SGK3: variants seen among roughly 807,000 people sequenced by gnomAD.
SGK3 encodes serum/glucocorticoid regulated kinase family member 3, also known as serine/threonine-protein kinase Sgk3.
Under a neutral mutation model 68.5 loss-of-function variants are expected in SGK3, and 47 were observed. The ratio of observed to expected loss-of-function variants is 0.69; its 90% CI spans 0.54 to 0.87. The LOEUF is 0.87. Among genes scored for constraint, SGK3 ranks in the 40% least tolerant of loss-of-function variants. The probability of loss-of-function intolerance (pLI) is 0.00; values close to 1 mark genes in which losing one functional copy is unlikely to be tolerated. For missense variants in SGK3, 479 were observed against 575.5 expected, an observed-to-expected ratio of 0.83 and a Z score of 1.72; for synonymous variants, 181 against 189.1, an observed-to-expected ratio of 0.96 and a Z score of 0.35.
In SGK3 at chr8:66,793,702, C is replaced by T. The variant is rs369810824; in HGVS notation, c.-35C>T. On this transcript the variant is annotated 5_prime_UTR_variant, in exon 2 of 17. Coordinates refer to ENST00000521198, the MANE Select transcript of SGK3 (RefSeq NM_001033578.3). ...GTTTGTCCTCTGCTGACTGTTTCTT[C>T]GGATGCATTTTTTGGTGTGCTCTTG... 5.0e-6 allele frequency: 8 copies of T among 1,595,312 alleles called. No homozygotes were observed. The African/African-American group carries it at 8.1e-5, about 16-fold the overall frequency.
chr8:66,841,126 C>A lies in SGK3; in HGVS notation c.978+16C>A. 6.5e-7 allele frequency: 1 copy of A among 1,546,160 alleles called. No homozygotes were observed. Among genetic ancestry groups the A allele is most frequent in the Non-Finnish European group, 8.7e-7 (1 of 1,145,214 alleles). On this transcript the variant is annotated intron_variant, in intron 13 of 16. Coordinates refer to ENST00000521198, the MANE Select transcript of SGK3 (RefSeq NM_001033578.3). ...GACACCAGAGGTAAGAAATATATCT[C>A]ATTGTCATTTATATAATCATGTATA...
chr8:66,824,391 G>A (rs1309279641), intron 6 of SGK3, among the ~76,000 whole-genome samples: 1 of 152,076 alleles, frequency 6.6e-6, no homozygotes, highest in African/African-American at 2.4e-5. Flanking sequence ...AAAAAACATA[G>A]AGGAAAATGT....
At chr8:66,717,437 G>C (rs555554704) in intron 1 of SGK3, among the ~76,000 whole-genome samples, 1 of 152,240 alleles carries the variant, frequency 6.6e-6, no homozygotes, top group African/African-American at 2.4e-5. Context: ...GCTGAGGCAG[G>C]AGAATGGCTT....
intron 4 of SGK3, among the ~76,000 whole-genome samples, chr8:66,809,832 G>A (rs1259405691): frequency 6.6e-6 from 1 of 152,188 alleles, no homozygotes; most frequent in Non-Finnish European, 1.5e-5. Flanking sequence ...AGAAGGATCT[G>A]CTTCTAAGAT....
At chr8:66,764,121 C>T (rs1370751537) in intron 1 of SGK3, among the ~76,000 whole-genome samples, 2 of 152,188 alleles carry the variant, frequency 1.3e-5, no homozygotes, top group African/African-American at 4.8e-5. Context: ...CCTTGGCCCC[C>T]CAGAGTGCTG....
intron 1 of SGK3, among the ~76,000 whole-genome samples, chr8:66,743,805 T>C (rs924200060): frequency 1.3e-5 from 2 of 152,196 alleles, no homozygotes; most frequent in African/African-American, 4.8e-5. Context: ...GAGCTACCGC[T>C]CCGAGAGCTA....
chr8:66,792,096 G>A (rs1807482984), intron 1 of SGK3, among the ~76,000 whole-genome samples: 1 of 152,084 alleles, frequency 6.6e-6, no homozygotes, highest in South Asian at 2.1e-4. Flanking sequence ...TTGGAAGGCC[G>A]AGGCAGGTGG....
At chr8:66,829,215 G>A (rs1281146597) in intron 7 of SGK3, among the ~76,000 whole-genome samples, 1 of 152,168 alleles carries the variant, frequency 6.6e-6, no homozygotes, top group East Asian at 1.9e-4. Context: ...ATATTCCCAG[G>A]CTAATTGATT....
At position 66,859,449 on chromosome 8, in the gene SGK3, T is replaced by C. The variant is rs778803029; in HGVS notation, c.1359T>C (p.Phe453=). The C allele has an allele frequency of 3.7e-5, 60 of 1,610,962 alleles. No homozygotes were observed. Among genetic ancestry groups the C allele is most frequent in the Non-Finnish European group, 4.9e-5 (58 of 1,177,958 alleles). Residue 453 remains phenylalanine (F), a synonymous_variant, in exon 17 of 17, where the codon TTT becomes TTC. Transcript: ENST00000521198. ...ATATCAGAAACTTTGACACAGCATT[T>C]ACAGAAGAAACAGTTCCATATTCTG... ...PDDIRNFDTA[F]TEETVPYSVC... is the part of the protein sequence containing the mutation.
chr8:66,773,428 A>G (rs1294422696), intron 1 of SGK3, among the ~76,000 whole-genome samples: 2 of 152,210 alleles, frequency 1.3e-5, no homozygotes, highest in Non-Finnish European at 2.9e-5. Context: ...GATACCTTCT[A>G]AAACTCCCAG....
intron 3 of SGK3, 101 bp from the exon 4 acceptor site, chr8:66,804,274 G>T: frequency 1.0e-6 from 1 of 998,198 alleles, no homozygotes; most frequent in African/African-American, 1.6e-5. Flanking sequence ...TATGTCTTAT[G>T]ATGGATTTTC....
chr8:66,819,703 C>T (rs1269500397), intron 5 of SGK3, among the ~76,000 whole-genome samples: 2 of 152,134 alleles, frequency 1.3e-5, no homozygotes, highest in South Asian at 4.1e-4. Flanking sequence ...TGAAAATCCC[C>T]ACCCCTACAT....
intron 1 of SGK3, among the ~76,000 whole-genome samples, chr8:66,770,747 T>C (rs752872999): frequency 6.6e-6 from 1 of 152,228 alleles, no homozygotes; most frequent in Non-Finnish European, 1.5e-5. Flanking sequence ...ATCTGCGTTG[T>C]CAAATTCTCA....
chr8:66,762,047 C>T (rs763611008), intron 1 of SGK3, among the ~76,000 whole-genome samples: 3 of 151,738 alleles, frequency 2.0e-5, no homozygotes, highest in Non-Finnish European at 4.4e-5. Flanking sequence ...TTTTTTGAGA[C>T]GAAGTCTCGC....
At chr8:66,752,572 A>G (rs1296955649) in intron 1 of SGK3, among the ~76,000 whole-genome samples, 2 of 151,936 alleles carry the variant, frequency 1.3e-5, no homozygotes, top group East Asian at 3.9e-4. Flanking sequence ...AGAAAGGAGT[A>G]GGAGTTACCC....
At chr8:66,795,861 C>T (rs1456875894) in intron 2 of SGK3, among the ~76,000 whole-genome samples, 1 of 152,172 alleles carries the variant, frequency 6.6e-6, no homozygotes, top group African/African-American at 2.4e-5. Context: ...TTCCCTCCTG[C>T]CACATTTTAT....
chr8:66,740,906 C>CAAA (rs899256897), intron 1 of SGK3, among the ~76,000 whole-genome samples: 34 of 42,600 alleles, frequency 8.0e-4, no homozygotes, highest in Admixed American at 1.4e-3. Flanking sequence ...GACTCTGTCT[C>CAAA]AAAAAAAAAA....
At chr8:66,731,679 C>T (rs1057191953) in intron 1 of SGK3, among the ~76,000 whole-genome samples, 4 of 152,144 alleles carry the variant, frequency 2.6e-5, no homozygotes, top group African/African-American at 7.2e-5. Context: ...GGACTACAGG[C>T]GCATGCCACC....
intron 2 of SGK3, among the ~76,000 whole-genome samples, chr8:66,794,573 A>G (rs938686919): frequency 2.6e-5 from 4 of 152,088 alleles, no homozygotes; most frequent in Non-Finnish European, 4.4e-5. Context: ...GAAGAAATTC[A>G]TTTAGCCCAA....
Sources: allele counts gnomAD v4.1 joint callset (sites outside exome capture counted in the v4.1 genomes callset), GRCh38; gene constraint gnomAD v4.1.1; transcripts MANE v1.5; gene names NCBI Gene and HGNC (gene_info 2026-07-23, HGNC 2026-07-21).